The following NIPBL variants were observed in gnomAD, a reference collection of about 807,000 sequenced individuals.
The protein encoded by NIPBL is NIPBL cohesin loading factor.
NIPBL carries 19 observed loss-of-function variants against 321.8 expected under a neutral mutation model. The observed-to-expected ratio is 0.06, with a 90% CI of 0.04 to 0.09. The LOEUF is 0.09. NIPBL is among the 10% of genes least tolerant of loss of function. The probability of loss-of-function intolerance (pLI) is 1.00; values close to 1 mark genes in which losing one functional copy is unlikely to be tolerated. For synonymous variants in NIPBL, 1,106 were observed against 1,114.1 expected (o/e 0.99, Z 0.14); for missense variants, 2,210 against 3,327.0 (o/e 0.66, Z 8.26).
chr5:37,060,787 C>A, intron 44 of NIPBL, 57 bp from the exon 45 acceptor site: 1 of 1,460,898 alleles, frequency 6.8e-7, no homozygotes, highest in Non-Finnish European at 9.5e-7. Context: ...AATTGGATTT[C>A]TCCAAATACG....
rs146045740 is a variant in NIPBL, at chr5:36,970,842, T to G, written c.611-34T>G. The G allele has an allele frequency of 1.1e-5, 17 of 1,579,470 alleles. No homozygotes were observed. In the African/African-American group the frequency reaches 2.3e-4, roughly 21 times the overall value. ...ATTCTCCAAGAATGTTAAGAATCTT[T>G]TATTAAACCTTTTTTTATTCTTATT... On this transcript the variant is annotated intron_variant, in intron 6 of 46. Transcript: ENST00000282516.
At chr5:37,016,605 A>T (rs1749029445) in intron 23 of NIPBL, among the ~76,000 whole-genome samples, 1 of 152,146 alleles carries the variant, frequency 6.6e-6, no homozygotes, top group South Asian at 2.1e-4. Flanking sequence ...TTTAAACTAC[A>T]TTTGAACTTG....
intron 30 of NIPBL, 87 bp from the exon 31 acceptor site, chr5:37,026,142 C>G: frequency 1.3e-6 from 1 of 759,960 alleles, no homozygotes; most frequent in Non-Finnish European, 2.3e-6. Context: ...TTATTTATAG[C>G]TTTGTGTTGG....
At chr5:36,957,365 C>G (rs1741082748) in intron 3 of NIPBL, among the ~76,000 whole-genome samples, 1 of 152,184 alleles carries the variant, frequency 6.6e-6, no homozygotes, top group South Asian at 2.1e-4. Flanking sequence ...GCAACAGTAT[C>G]TTATTTGTAA....
Position 36,898,782 on chromosome 5 carries a change from T to C in NIPBL, c.-80+21604T>C, listed in dbSNP as rs560893476. The stretch of plus-strand genomic sequence containing the variant: ...CACCTCACCCTCCCAAAGTGCTGGG[T>C]ATAGGTGTGAACCACCACACCTGGC... On this transcript the variant is annotated intron_variant, in intron 1 of 46. Transcript: ENST00000282516. 5.9e-5 allele frequency among the ~76,000 whole-genome samples: 9 copies of C among 152,282 alleles called. 1 individual carries two copies. The highest frequency in any genetic ancestry group is 2.2e-4 in the African/African-American group (9 of 41,556).
chr5:37,011,855 C>G (rs1748162985), intron 21 of NIPBL, among the ~76,000 whole-genome samples: 1 of 151,994 alleles, frequency 6.6e-6, no homozygotes, highest in Non-Finnish European at 1.5e-5. Flanking sequence ...AACACCATAT[C>G]ATAGAATCAC....
At chr5:36,908,645 A>G (rs866409232) in intron 1 of NIPBL, among the ~76,000 whole-genome samples, 1 of 152,346 alleles carries the variant, frequency 6.6e-6, no homozygotes, top group Middle Eastern at 3.4e-3. Flanking sequence ...AGGCATTAAA[A>G]AAAAATCTGT....
chr5:37,052,515 A>G lies in NIPBL; in HGVS notation c.7212A>G (p.Gln2404=), dbSNP rs753125341. The change falls in exon 42 of 47, where the codon CAA becomes CAG. Residue 2404 remains glutamine (Q), a synonymous_variant. Coordinates refer to ENST00000282516, the MANE Select transcript of NIPBL (RefSeq NM_133433.4). ...ACTCCATGATCCGTGGAAACCGCCA[A>G]CACAGACGAGCCTTTCTTATTTCTT... ...HLYSMIRGNR[Q]HRRAFLISLL... 5 of 1,614,210 alleles carry G rather than the reference A, an allele frequency of 3.1e-6. No individual in the cohort carries two copies. The South Asian group carries it at 5.5e-5, about 18-fold the overall frequency.
At chr5:36,930,581 T>C (rs1005135487) in intron 1 of NIPBL, among the ~76,000 whole-genome samples, 2 of 152,124 alleles carry the variant, frequency 1.3e-5, no homozygotes, top group African/African-American at 4.8e-5. Context: ...TTTGGTGTTT[T>C]GCTGTACTAA....
intron 9 of NIPBL, among the ~76,000 whole-genome samples, chr5:36,976,845 A>G (rs1197655768): frequency 6.6e-6 from 1 of 152,084 alleles, no homozygotes; most frequent in Non-Finnish European, 1.5e-5. Flanking sequence ...GCAGTTAGAT[A>G]TTTCACTTGG....
chr5:36,935,923 A>G (rs1286461391), intron 1 of NIPBL, among the ~76,000 whole-genome samples: 3 of 152,062 alleles, frequency 2.0e-5, no homozygotes, highest in Non-Finnish European at 2.9e-5. Context: ...CTTCTATCTT[A>G]TATAAGGATG....
Position 36,940,626 on chromosome 5 carries a change from T to G in NIPBL, c.-79-12992T>G, listed in dbSNP as rs567750993. Reference sequence around the variant, plus strand: ...CGTAAGTTTAGTTACCTTCTTTTTTTCTCTTGCAGCACTTTGTTTTGTTTT... The same window carrying G: ...CGTAAGTTTAGTTACCTTCTTTTTTGCTCTTGCAGCACTTTGTTTTGTTTT... On this transcript the variant is annotated intron_variant, in intron 1 of 46. Transcript: ENST00000282516. 4.6e-5 allele frequency among the ~76,000 whole-genome samples: 7 copies of G among 152,278 alleles called. No individual in the cohort carries two copies. The East Asian group carries it at 1.4e-3, about 29-fold the overall frequency.
chr5:36,917,431 TGTAGG>T (rs1469406711), intron 1 of NIPBL, among the ~76,000 whole-genome samples: 4 of 152,246 alleles, frequency 2.6e-5, no homozygotes, highest in Admixed American at 2.6e-4. Context: ...TCTCCCATTC[TGTAGG>T]TTGCCTCTTC....
rs192278747 is a variant in NIPBL at position 36,899,565 on chromosome 5, G to A, written c.-80+22387G>A. On this transcript the variant is annotated intron_variant, in intron 1 of 46. Transcript: ENST00000282516. ...GCTTAAAGCATTCAGAACTTTGGCTGTTGTGCCCTTTCAAAAGTGAATTTT... is the reference window on the plus strand; with the variant it reads ...GCTTAAAGCATTCAGAACTTTGGCTATTGTGCCCTTTCAAAAGTGAATTTT... Among the ~76,000 whole-genome samples the A allele has an allele frequency of 2.0e-4, 31 of 152,298 alleles. No homozygotes were observed. The East Asian group carries it at 4.2e-3, about 21-fold the overall frequency.
chr5:36,960,825 T>C (rs1225404988), intron 4 of NIPBL, among the ~76,000 whole-genome samples: 1 of 152,184 alleles, frequency 6.6e-6, no homozygotes, highest in African/African-American at 2.4e-5. Flanking sequence ...TGAGAAATAA[T>C]GTCTAGCTTG....
chr5:37,010,942 T>A (rs1426046748), intron 21 of NIPBL, among the ~76,000 whole-genome samples: 1 of 152,166 alleles, frequency 6.6e-6, no homozygotes, highest in East Asian at 1.9e-4. Flanking sequence ...ACCAAAATGA[T>A]ATTCAAAGGA....
chr5:36,896,897 G>A (rs969200981), intron 1 of NIPBL, among the ~76,000 whole-genome samples: 1 of 152,224 alleles, frequency 6.6e-6, no homozygotes, highest in East Asian at 1.9e-4. Flanking sequence ...ACCACACCTG[G>A]CCAGTGTTTT....
At position 36,877,057 on chromosome 5, in the gene NIPBL, CA is replaced by C; in HGVS notation, c.-200del. 2.8e-6 allele frequency: 1 copy of C among 357,108 alleles called. No homozygotes were observed. 22.1% of individuals were successfully genotyped at this position (357,108 alleles called of 1,614,324 possible). On this transcript the variant is annotated 5_prime_UTR_variant, in exon 1 of 47. It removes an upstream start codon present in the reference 5' UTR. Transcript: ENST00000282516. ...CTCGGCTGGTCTCCCCCCGGCTCTA[CA>C]TGTTCCCCGCACTGAGGAGACGGAA...
intron 32 of NIPBL, among the ~76,000 whole-genome samples, chr5:37,030,918 C>A (rs532396327): frequency 1.9e-3 from 235 of 125,316 alleles, no homozygotes; most frequent in Middle Eastern, 4.5e-3. Flanking sequence ...CCATGTTTAG[C>A]CTTTTTTTTT....
Sources: gnomAD v4.1 joint callset for allele counts (sites outside exome capture counted in the v4.1 genomes callset) on GRCh38, gnomAD v4.1.1 for gene constraint, MANE v1.5 for transcripts, NCBI Gene and HGNC (gene_info 2026-07-23, HGNC 2026-07-21) for gene names.